The following CDC34 variants were observed in gnomAD, a reference collection of about 807,000 sequenced individuals.
CDC34 encodes the protein cell division cycle 34, ubiquitin conjugating enzyme, also known as ubiquitin-conjugating enzyme E2 R1.
In CDC34, 18 loss-of-function variants were observed where a neutral mutation model predicts 26.8. That is an observed-to-expected ratio of 0.67 (90% CI 0.47 to 1.00). The LOEUF (loss-of-function observed/expected upper bound fraction) is 1.00, where lower values mean the gene tolerates loss of function less well. CDC34 is among the 50% of genes least tolerant of loss of function. The probability of loss-of-function intolerance (pLI) is 0.00; values close to 1 mark genes in which losing one functional copy is unlikely to be tolerated. For missense variants in CDC34, 280 were observed against 334.5 expected (o/e 0.84, Z 1.27); for synonymous variants, 178 against 147.5 (o/e 1.21, Z -1.50).
Position 541,407 on chromosome 19 carries a change from A to C in CDC34, c.566A>C (p.Glu189Ala). 1 of 1,611,606 alleles carries C rather than the reference A, an allele frequency of 6.2e-7. No individual in the cohort carries two copies. The highest frequency in any genetic ancestry group is 8.5e-7 in the Non-Finnish European group (1 of 1,179,496). ...DGVKVPTTLA[E>A]YCVKTKAPAP... Reference sequence around the variant, plus strand: ...GTGAAGGTGCCCACCACGCTGGCCGAGTACTGCGTGAAGACCAAGGCGCCG... The same window carrying C: ...GTGAAGGTGCCCACCACGCTGGCCGCGTACTGCGTGAAGACCAAGGCGCCG... Residue 189 changes from glutamate (E) to alanine (A), a missense_variant, in exon 5 of 5, where the codon GAG (glutamate) becomes GCG (alanine). Physicochemically the swap from Glu to Ala is moderately radical, Grantham distance 107. Transcript: ENST00000215574.
intron 1 of CDC34, among the ~76,000 whole-genome samples, chr19:533,002 AT>A (rs144601967): frequency 1.4e-3 from 212 of 152,228 alleles, no homozygotes; most frequent in African/African-American, 4.8e-3. Flanking sequence ...TGGCGGTTTA[AT>A]TCCAAGCAGT....
At chr19:536,917 G>A in intron 3 of CDC34, 96 bp from the exon 4 acceptor site, 4 of 1,417,490 alleles carry the variant, frequency 2.8e-6, no homozygotes, top group Non-Finnish European at 2.0e-6. Context: ...TCACCTGCTG[G>A]GTGGGTCCAG....
chr19:538,160 A>C (rs8107361), intron 4 of CDC34, among the ~76,000 whole-genome samples: 1 of 150,898 alleles, frequency 6.6e-6, no homozygotes, highest in African/African-American at 2.5e-5. Flanking sequence ...CTTTAATGAA[A>C]AAATGGGGTC....
chr19:531,822 G>A lies in CDC34; in HGVS notation c.-110G>A. The A allele has an allele frequency of 4.0e-6, 2 of 500,700 alleles. No homozygotes were observed. The highest frequency in any genetic ancestry group is 5.4e-6 in the Non-Finnish European group (2 of 369,896). The allele number at this position is 500,700 out of a possible 1,614,324, so 31.0% of individuals were successfully genotyped here. On this transcript the variant is annotated 5_prime_UTR_variant, in exon 1 of 5. Transcript: ENST00000215574. ...GGCGGCGCAGAGGAGGAGGCAGGCG[G>A]CGGCCCCGGTGGCTCCCCCCCGGAC...
intron 4 of CDC34, among the ~76,000 whole-genome samples, chr19:537,651 C>CTTTTGTTTT (rs1979820947): frequency 3.0e-5 from 2 of 67,076 alleles, no homozygotes; most frequent in Non-Finnish European, 2.8e-5. Flanking sequence ...CGCGGCCGGC[C>CTTTTGTTTT]TTTTTTTTTT....
At chr19:539,046 G>A (rs1428535690) in intron 4 of CDC34, 1 of 975,862 alleles carries the variant, frequency 1.0e-6, no homozygotes, top group Non-Finnish European at 1.2e-6. Context: ...ACTCCCTGTG[G>A]GCCAACACAC....
At chr19:536,154 G>A (rs561124783) in intron 2 of CDC34, 89 bp from the exon 3 acceptor site, 330 of 1,112,412 alleles carry the variant, frequency 3.0e-4, no homozygotes, top group Middle Eastern at 8.0e-4. Context: ...TCACGTCCTC[G>A]TCCTCCACGT....
chr19:536,001 C>A (rs1979722484), intron 2 of CDC34, 78 bp downstream of exon 2: 1 of 1,389,458 alleles, frequency 7.2e-7, no homozygotes, highest in South Asian at 1.2e-5. Flanking sequence ...CCTCATCCTT[C>A]CGGGACCCGG....
chr19:536,521 C>G, intron 3 of CDC34, 181 bp downstream of exon 3: 1 of 597,294 alleles, frequency 1.7e-6, no homozygotes, highest in Non-Finnish European at 3.0e-6. Context: ...GGTGCTTTCA[C>G]GGGGCCTGCG....
At chr19:539,417 C>T (rs555203289) in intron 4 of CDC34, among the ~76,000 whole-genome samples, 21 of 152,102 alleles carry the variant, frequency 1.4e-4, no homozygotes, top group Admixed American at 7.2e-4. Flanking sequence ...AGTGCCGTCC[C>T]CGGGGCACTG....
intron 3 of CDC34, chr19:536,738 A>G (rs1470706917): frequency 1.4e-5 from 8 of 554,856 alleles, no homozygotes; most frequent in Non-Finnish European, 2.6e-5. Flanking sequence ...CCTGGAGTGT[A>G]GTCTAGGCAG....
intron 1 of CDC34, among the ~76,000 whole-genome samples, chr19:534,215 G>A (rs1386441902): frequency 6.6e-6 from 1 of 152,108 alleles, no homozygotes; most frequent in East Asian, 1.9e-4. Flanking sequence ...ACAGTTCTGA[G>A]ACTGAAGTTC....
intron 4 of CDC34, among the ~76,000 whole-genome samples, chr19:537,618 C>T (rs543560982): frequency 1.0e-3 from 146 of 142,082 alleles, no homozygotes; most frequent in Non-Finnish European, 1.9e-3. Context: ...TCCCAAAGTG[C>T]AGGGATTACA....
chr19:535,963 G>A (rs775158415), intron 2 of CDC34, 40 bp downstream of exon 2: 24 of 1,566,876 alleles, frequency 1.5e-5, no homozygotes, highest in Admixed American at 3.3e-5. Flanking sequence ...CTCATCCTCC[G>A]GGACCCAGGG....
At chr19:533,286 C>G (rs775091003) in intron 1 of CDC34, among the ~76,000 whole-genome samples, 1 of 152,200 alleles carries the variant, frequency 6.6e-6, no homozygotes, top group African/African-American at 2.4e-5. Flanking sequence ...ACTGCAGGGC[C>G]CGGCCCGCTC....
intron 4 of CDC34, among the ~76,000 whole-genome samples, chr19:538,225 G>A (rs1333979780): frequency 6.6e-6 from 1 of 152,272 alleles, no homozygotes; most frequent in Admixed American, 6.5e-5. Flanking sequence ...CCTTACTCAT[G>A]TCTGGAGTGC....
At chr19:537,178 G>A in intron 4 of CDC34, 31 bp downstream of exon 4, 1 of 1,610,148 alleles carries the variant, frequency 6.2e-7, no homozygotes. Flanking sequence ...CACGGGAGGA[G>A]AGACTCAGAT....
intron 4 of CDC34, among the ~76,000 whole-genome samples, chr19:539,560 G>T (rs1485155544): frequency 6.6e-6 from 1 of 152,124 alleles, no homozygotes; most frequent in Non-Finnish European, 1.5e-5. Flanking sequence ...AAAAGCACTG[G>T]GCTTGTGGGC....
rs371106154 is a variant in CDC34, at chr19:532,141, G to A, written c.177+33G>A. 73 of 1,460,272 alleles carry A rather than the reference G, an allele frequency of 5.0e-5. No homozygotes were observed. In the African/African-American group the frequency reaches 8.6e-4, roughly 17 times the overall value. The allele number at this position is 1,460,272 out of a possible 1,614,324, so 90.5% of individuals were successfully genotyped here. ...CGGCGACCCCCGCCCGGGTCCCGGAGCCCACGAGCGACCTCGGGCGCCGGG... is the reference window on the plus strand; with the variant it reads ...CGGCGACCCCCGCCCGGGTCCCGGAACCCACGAGCGACCTCGGGCGCCGGG... On this transcript the variant is annotated intron_variant, in intron 1 of 4. Coordinates refer to ENST00000215574, the MANE Select transcript of CDC34 (RefSeq NM_004359.2).
Sources: allele counts gnomAD v4.1 joint callset (sites outside exome capture counted in the v4.1 genomes callset), GRCh38; gene constraint gnomAD v4.1.1; transcripts MANE v1.5; gene names NCBI Gene and HGNC (gene_info 2026-07-23, HGNC 2026-07-21).